The following ALDH5A1 variants were observed in gnomAD, a reference collection of about 807,000 sequenced individuals.
ALDH5A1 encodes the protein succinate-semialdehyde dehydrogenase, mitochondrial.
Under a neutral mutation model 54.7 loss-of-function variants are expected in ALDH5A1, and 33 were observed. The observed-to-expected ratio is 0.60, with a 90% CI of 0.46 to 0.81. The LOEUF (loss-of-function observed/expected upper bound fraction) is 0.81. Among genes scored for constraint, ALDH5A1 ranks in the 30% least tolerant of loss-of-function variants. The pLI is 0.00. For synonymous variants in ALDH5A1, 294 were observed against 292.7 expected, an observed-to-expected ratio of 1.00 and a Z score of -0.05; for missense variants, 657 against 711.0, an observed-to-expected ratio of 0.92 and a Z score of 0.86.
chr6:24,532,075 C>T (rs768055262), intron 8 of ALDH5A1, 44 bp from the exon 9 acceptor site: 2 of 1,581,208 alleles, frequency 1.3e-6, no homozygotes, highest in South Asian at 2.2e-5. Context: ...GGTTTCCTTT[C>T]CTCTCCCCCT....
At chr6:24,533,235 A>C (rs919861514) in intron 9 of ALDH5A1, among the ~76,000 whole-genome samples, 19 of 152,314 alleles carry the variant, frequency 1.2e-4, no homozygotes, top group African/African-American at 4.3e-4. Flanking sequence ...TGTCGTGTGG[A>C]AATCTAACAG....
In ALDH5A1 at chr6:24,495,081, G is replaced by C; in HGVS notation, c.85G>C (p.Gly29Arg). 1.5e-6 allele frequency: 2 copies of C among 1,319,284 alleles called. No individual in the cohort carries two copies. The highest frequency in any genetic ancestry group is 1.9e-6 in the Non-Finnish European group (2 of 1,036,124). 81.7% of individuals were successfully genotyped at this position (1,319,284 alleles called of 1,614,324 possible). The change falls in exon 1 of 10, where the codon GGC (glycine) becomes CGC (arginine). Residue 29 changes from glycine (G) to arginine (R), a missense_variant. This residue lies in a region of ALDH5A1 where 232 missense variants were observed against 194.6 expected (regional missense o/e 1.19). Transcript: ENST00000357578. ...AGGCTGCCGCCTCCGCCCCCGCGCC[G>C]GCGGCCTGGTCCCTGCCTCCGGGCC... Reference protein sequence around the residue: ...FPGCRLRPRAGGLVPASGPAP... With the variant: ...FPGCRLRPRARGLVPASGPAP...
chr6:24,515,461 A>G lies in ALDH5A1; in HGVS notation c.870+151A>G. The G allele has an allele frequency of 4.3e-6, 4 of 927,034 alleles. No individual in the cohort carries two copies. The South Asian group carries it at 6.2e-5, about 14-fold the overall frequency. The allele number at this position is 927,034 out of a possible 1,614,324, so 57.4% of individuals were successfully genotyped here. ...TGTCGCAGGCCAAGCACGGCGGCTC[A>G]TGCCTGTAATTCCAGCACTTTGGGA... is the stretch of plus-strand genomic sequence containing the variant. On this transcript the variant is annotated intron_variant, in intron 5 of 9. Transcript: ENST00000357578.
chr6:24,495,284 A>G lies in ALDH5A1; in HGVS notation c.288A>G (p.Arg96=), dbSNP rs1554135737. The change falls in exon 1 of 10, where the codon CGA becomes CGG. Residue 96 remains arginine (R), a synonymous_variant. Transcript: ENST00000357578. ...ALGMVADCGV[R]EARAAVRAAY... is the part of the protein sequence containing the mutation. ...GCATGGTAGCCGACTGCGGGGTGCG[A>G]GAGGCCCGCGCCGCCGTGCGCGCTG... The G allele has an allele frequency of 1.3e-6, 2 of 1,532,372 alleles. No homozygotes were observed. Among genetic ancestry groups the G allele is most frequent in the Non-Finnish European group, 1.7e-6 (2 of 1,146,168 alleles). The allele number at this position is 1,532,372 out of a possible 1,614,324, so 94.9% of individuals were successfully genotyped here. A position where few individuals can be genotyped will look rare whatever the true frequency, so the allele number is the denominator to read the frequency against.
rs749120771 is a variant in ALDH5A1, at chr6:24,495,076, G to C, written c.80G>C (p.Arg27Pro). ...STFPGCRLRP[R>P]AGGLVPASGP... ...TTTCCAGGCTGCCGCCTCCGCCCCC[G>C]CGCCGGCGGCCTGGTCCCTGCCTCC... The change falls in exon 1 of 10, where the codon CGC becomes CCC. Residue 27 changes from arginine (R) to proline (P), a missense_variant. Around this residue, in one of 2 missense-constraint regions of ALDH5A1, gnomAD observed 232 missense variants for 194.6 expected, o/e 1.19. Coordinates refer to ENST00000357578, the MANE Select transcript of ALDH5A1 (RefSeq NM_001080.3). The C allele has an allele frequency of 6.8e-6, 9 of 1,321,988 alleles. No homozygotes were observed. The highest frequency in any genetic ancestry group is 2.9e-6 in the Non-Finnish European group (3 of 1,037,672). 81.9% of individuals were successfully genotyped at this position (1,321,988 alleles called of 1,614,324 possible). A position where few individuals can be genotyped will look rare whatever the true frequency, so the allele number is the denominator to read the frequency against.
In ALDH5A1 at chr6:24,520,260, T is replaced by A. The variant is rs191306109; in HGVS notation, c.871-141T>A. 3 of 935,156 alleles carry A rather than the reference T, an allele frequency of 3.2e-6. No individual in the cohort carries two copies. The East Asian group carries it at 7.3e-5, about 23-fold the overall frequency. The allele number at this position is 935,156 out of a possible 1,614,324, so 57.9% of individuals were successfully genotyped here. ...AAATGTAAATATATATTCTTATTTC[T>A]CCGTTTTCTTATGCAAAGTTATCCC... On this transcript the variant is annotated intron_variant, in intron 5 of 9. Coordinates refer to ENST00000357578, the MANE Select transcript of ALDH5A1 (RefSeq NM_001080.3).
At chr6:24,503,509 G>C (rs1466114939) in intron 3 of ALDH5A1, 76 bp downstream of exon 3, 9 of 1,544,922 alleles carry the variant, frequency 5.8e-6, no homozygotes, top group Non-Finnish European at 7.9e-6. Context: ...TCTTCCTCGT[G>C]AGCAGGTGTG....
chr6:24,525,856 C>G (rs747808077), intron 7 of ALDH5A1, among the ~76,000 whole-genome samples: 7 of 152,098 alleles, frequency 4.6e-5, no homozygotes, highest in Non-Finnish European at 8.8e-5. Flanking sequence ...GATTCTACTT[C>G]TGCACAATTT....
Position 24,533,495 on chromosome 6 carries a change from A to G in ALDH5A1, c.1403-12A>G. 6.2e-7 allele frequency: 1 copy of G among 1,613,782 alleles called. No homozygotes were observed. The highest frequency in any genetic ancestry group is 8.5e-7 in the Non-Finnish European group (1 of 1,179,702). On this transcript the variant is annotated splice_polypyrimidine_tract_variant and intron_variant, in intron 9 of 9. Coordinates refer to ENST00000357578, the MANE Select transcript of ALDH5A1 (RefSeq NM_001080.3). ...TTCTAAATGCCATATATGTCCTTTT[A>G]TCCTGTGACAGGTTATTTTTACTCT...
At chr6:24,498,212 G>A (rs1032045134) in intron 1 of ALDH5A1, among the ~76,000 whole-genome samples, 2 of 152,156 alleles carry the variant, frequency 1.3e-5, no homozygotes, top group African/African-American at 4.8e-5. Flanking sequence ...TTGAGATGTC[G>A]GTTCACACCC....
chr6:24,526,886 A>C (rs371918141), intron 7 of ALDH5A1, among the ~76,000 whole-genome samples: 16 of 82,862 alleles, frequency 1.9e-4, no homozygotes, highest in African/African-American at 5.8e-4. Flanking sequence ...CTATATATAT[A>C]TTCTATATAT....
intron 1 of ALDH5A1, among the ~76,000 whole-genome samples, chr6:24,496,779 A>G (rs1764715859): frequency 6.6e-6 from 1 of 152,172 alleles, no homozygotes; most frequent in South Asian, 2.1e-4. Flanking sequence ...TCTTTTAAAA[A>G]CAGGAGTCAG....
chr6:24,504,838 TCA>T (rs765485633), intron 3 of ALDH5A1, 29 bp from the exon 4 acceptor site: 19 of 1,599,326 alleles, frequency 1.2e-5, no homozygotes, highest in Admixed American at 1.7e-5. Context: ...GTCCTTCCTC[TCA>T]CATACTTCCT....
At chr6:24,502,691 C>T in intron 2 of ALDH5A1, 85 bp downstream of exon 2, 1 of 950,874 alleles carries the variant, frequency 1.1e-6, no homozygotes, top group Non-Finnish European at 1.7e-6. Flanking sequence ...GACTTCCCTT[C>T]ACTGCTGGCT....
At chr6:24,508,868 T>C (rs1759411256) in intron 4 of ALDH5A1, among the ~76,000 whole-genome samples, 1 of 152,194 alleles carries the variant, frequency 6.6e-6, no homozygotes, top group African/African-American at 2.4e-5. Context: ...CCTTGATCAT[T>C]AGTGATGTTG....
rs2127379086 is a variant in ALDH5A1, at chr6:24,495,277, G to C, written c.281G>C (p.Gly94Ala). ...GCTCTGGGCATGGTAGCCGACTGCG[G>C]GGTGCGAGAGGCCCGCGCCGCCGTG... is the stretch of plus-strand genomic sequence containing the variant. The part of the protein sequence containing the change: ...GAALGMVADC[G>A]VREARAAVRA... The change falls in exon 1 of 10, where the codon GGG becomes GCG. Residue 94 changes from glycine to alanine, a missense_variant. Physicochemically the swap from Gly to Ala is moderately conservative, Grantham distance 60. Coordinates refer to ENST00000357578, the MANE Select transcript of ALDH5A1 (RefSeq NM_001080.3). The C allele has an allele frequency of 2.0e-6, 3 of 1,532,768 alleles. No individual in the cohort carries two copies. Among genetic ancestry groups the C allele is most frequent in the Non-Finnish European group, 2.6e-6 (3 of 1,146,256 alleles). 94.9% of individuals were successfully genotyped at this position (1,532,768 alleles called of 1,614,324 possible).
intron 1 of ALDH5A1, among the ~76,000 whole-genome samples, chr6:24,500,680 T>TAAG (rs1554136261): frequency 6.7e-6 from 1 of 148,524 alleles, no homozygotes; most frequent in Non-Finnish European, 1.5e-5. Context: ...ATAATAATAA[T>TAAG]AACGTAGGGA....
At position 24,510,703 on chromosome 6, in the gene ALDH5A1, T is replaced by C. The variant is rs1759443167; in HGVS notation, c.727-4464T>C. ...TTAAGTTTCTGTGAGTCCTTATGTA[T>C]TAGGTGGGTCTCTTAAAGGCAACAG... On this transcript the variant is annotated intron_variant, in intron 4 of 9. Transcript: ENST00000357578. Among the ~76,000 whole-genome samples the C allele has an allele frequency of 2.0e-5, 3 of 152,172 alleles. No individual in the cohort carries two copies. In the South Asian group the frequency reaches 6.2e-4, roughly 32 times the overall value.
rs1225985397 is a variant in ALDH5A1, at chr6:24,495,254, T to G, written c.258T>G (p.Ala86=). The G allele has an allele frequency of 6.5e-7, 1 of 1,529,088 alleles. No individual in the cohort carries two copies. The highest frequency in any genetic ancestry group is 8.7e-7 in the Non-Finnish European group (1 of 1,144,786). 94.7% of individuals were successfully genotyped at this position (1,529,088 alleles called of 1,614,324 possible). ...TGCAAGACCCGGCCAGCGGCGCCGC[T>G]CTGGGCATGGTAGCCGACTGCGGGG... ...FPVQDPASGA[A]LGMVADCGVR... The change falls in exon 1 of 10, where the codon GCT becomes GCG. Residue 86 remains alanine, a synonymous_variant. Coordinates refer to ENST00000357578, the MANE Select transcript of ALDH5A1 (RefSeq NM_001080.3).
Sources: gnomAD v4.1 joint callset for allele counts (sites outside exome capture counted in the v4.1 genomes callset) on GRCh38, gnomAD v4.1.1 for gene constraint, gnomAD v4.1.1 regional missense constraint, MANE v1.5 for transcripts, NCBI Gene and HGNC (gene_info 2026-07-23, HGNC 2026-07-21) for gene names.